The following PIK3C3 variants were observed in gnomAD, a reference collection of about 807,000 sequenced individuals.
PIK3C3 encodes phosphatidylinositol 3-kinase catalytic subunit type 3, also known as PI3-kinase type 3.
PIK3C3 carries 95 observed loss-of-function variants against 126.1 expected under a neutral mutation model. The observed-to-expected ratio is 0.75, with a 90% confidence interval of 0.64 to 0.89. The LOEUF is 0.89. Ranked by LOEUF, PIK3C3 falls within the 40% of genes least tolerant of loss-of-function variation. The pLI is 0.00. For synonymous variants in PIK3C3, 374 were observed against 360.0 expected, an observed-to-expected ratio of 1.04 and a Z score of -0.44; for missense variants, 829 against 1,063.2, an observed-to-expected ratio of 0.78 and a Z score of 3.06.
chr18:42,044,438 A>G (rs976069895), intron 20 of PIK3C3, among the ~76,000 whole-genome samples: 1 of 150,098 alleles, frequency 6.7e-6, no homozygotes, highest in Admixed American at 6.7e-5. Context: ...AGACAGGATC[A>G]CACTCTGTCA....
chr18:42,054,940 T>A (rs978620513), intron 21 of PIK3C3, among the ~76,000 whole-genome samples: 14 of 152,028 alleles, frequency 9.2e-5, no homozygotes, highest in Non-Finnish European at 1.3e-4. Context: ...TTTTTTTTTT[T>A]AAACTTATGT....
At chr18:41,988,664 A>G (rs1294857684) in intron 5 of PIK3C3, among the ~76,000 whole-genome samples, 2 of 152,178 alleles carry the variant, frequency 1.3e-5, no homozygotes, top group Non-Finnish European at 2.9e-5. Context: ...TTTTAATTTT[A>G]CAGTGAACTA....
Position 42,013,437 on chromosome 18 carries a change from TCCAGG to T in PIK3C3, c.1171-4_1171del. ...AATATTACTTTACTTTTTTTTGTTT[TCCAGG>T]ATTTGTTGATGTACCTATTACAATT... On this transcript the variant is annotated splice_acceptor_variant and splice_polypyrimidine_tract_variant and coding_sequence_variant and intron_variant, in exon 11 of 25. Coordinates refer to ENST00000262039, the MANE Select transcript of PIK3C3 (RefSeq NM_002647.4). LOFTEE classifies it high-confidence loss of function. 6.7e-7 allele frequency: 1 copy of T among 1,481,584 alleles called. No individual in the cohort carries two copies. The highest frequency in any genetic ancestry group is 2.7e-5 in the Admixed American group (1 of 37,126). The allele number at this position is 1,481,584 out of a possible 1,614,324, so 91.8% of individuals were successfully genotyped here. A position where few individuals can be genotyped will look rare whatever the true frequency, so the allele number is the denominator to read the frequency against.
chr18:42,063,297 T>C lies in PIK3C3; in HGVS notation c.2433-1443T>C, dbSNP rs72893466. On this transcript the variant is annotated intron_variant, in intron 22 of 24. Coordinates refer to ENST00000262039, the MANE Select transcript of PIK3C3 (RefSeq NM_002647.4). The stretch of plus-strand genomic sequence containing the variant: ...GTAAACTTCATGAATGTGGGGACCC[T>C]GTTTGTTCAGTTCACCACTGTCTGT... Among the ~76,000 whole-genome samples the C allele has an allele frequency of 2.3e-3, 353 of 152,314 alleles. 3 individuals are homozygous for C. Among genetic ancestry groups the C allele is most frequent in the Non-Finnish European group, 3.7e-3 (253 of 68,020 alleles).
At chr18:42,065,385 C>CTA (rs1288417822) in intron 23 of PIK3C3, among the ~76,000 whole-genome samples, 1 of 151,876 alleles carries the variant, frequency 6.6e-6, no homozygotes, top group Non-Finnish European at 1.5e-5. Flanking sequence ...ACAGATAGGA[C>CTA]TATCAATAGA....
At chr18:41,962,894 T>C (rs2144295916) in intron 3 of PIK3C3, among the ~76,000 whole-genome samples, 1 of 152,334 alleles carries the variant, frequency 6.6e-6, no homozygotes, top group South Asian at 2.1e-4. Context: ...CATTGGGAAA[T>C]AGAACCTTGC....
chr18:42,026,314 TCA>T (rs1437665501), intron 13 of PIK3C3: 1 of 152,164 alleles, frequency 6.6e-6, no homozygotes, highest in Non-Finnish European at 1.5e-5. Context: ...ATTTAAAGTT[TCA>T]CAGTCTAGCA....
intron 16 of PIK3C3, among the ~76,000 whole-genome samples, chr18:42,034,596 C>T (rs763105862): frequency 3.9e-5 from 6 of 152,066 alleles, no homozygotes; most frequent in Non-Finnish European, 7.4e-5. Flanking sequence ...AGTAGCATAC[C>T]AGGCTTGGTG....
chr18:42,033,656 GGGATTATTTATAA>G (rs1403759679), intron 15 of PIK3C3, among the ~76,000 whole-genome samples, 157 bp from the exon 16 acceptor site: 4 of 152,146 alleles, frequency 2.6e-5, no homozygotes, highest in African/African-American at 9.7e-5. Context: ...GCTGTTGTTA[GGGATTATTTATAA>G]GTGCTTGTCT....
chr18:42,022,460 T>C (rs1983371565), intron 13 of PIK3C3, among the ~76,000 whole-genome samples: 1 of 152,162 alleles, frequency 6.6e-6, no homozygotes, highest in African/African-American at 2.4e-5. Flanking sequence ...ACAAAGGACA[T>C]GAACTCATCC....
intron 3 of PIK3C3, 35 bp from the exon 4 acceptor site, chr18:41,970,292 T>A (rs1389912969): frequency 3.1e-6 from 5 of 1,597,598 alleles, no homozygotes; most frequent in Non-Finnish European, 4.3e-6. Flanking sequence ...ACTGTATTAA[T>A]TTACTTCTAC....
intron 21 of PIK3C3, among the ~76,000 whole-genome samples, chr18:42,055,429 C>T (rs1470688306): frequency 6.6e-6 from 1 of 151,954 alleles, no homozygotes; most frequent in African/African-American, 2.4e-5. Flanking sequence ...TGTAGGGAGC[C>T]TTTTTAATTC....
At chr18:42,029,261 T>C (rs1983710214) in intron 14 of PIK3C3, 64 bp from the exon 15 acceptor site, 3 of 912,036 alleles carry the variant, frequency 3.3e-6, no homozygotes, top group Non-Finnish European at 5.5e-6. Flanking sequence ...TTATCCATGC[T>C]GTTAAAGAAA....
intron 6 of PIK3C3, among the ~76,000 whole-genome samples, chr18:41,992,049 A>T (rs942929268): frequency 6.6e-6 from 1 of 152,234 alleles, no homozygotes; most frequent in African/African-American, 2.4e-5. Flanking sequence ...TTTGAAAGAC[A>T]GCTTGATAGC....
chr18:42,010,627 A>G (rs1430245477), intron 10 of PIK3C3, among the ~76,000 whole-genome samples: 1 of 152,136 alleles, frequency 6.6e-6, no homozygotes, highest in African/African-American at 2.4e-5. Flanking sequence ...CGGCCTCCCA[A>G]AGTGCTGGGA....
intron 5 of PIK3C3, among the ~76,000 whole-genome samples, chr18:41,989,944 C>A (rs1166030570): frequency 2.0e-5 from 3 of 152,006 alleles, no homozygotes; most frequent in African/African-American, 7.2e-5. Flanking sequence ...CATTTTAAGA[C>A]CATTTATAAA....
At chr18:42,059,380 A>T (rs1394851763) in intron 22 of PIK3C3, among the ~76,000 whole-genome samples, 4 of 152,190 alleles carry the variant, frequency 2.6e-5, no homozygotes, top group Non-Finnish European at 5.9e-5. Context: ...TTTCAGAGAG[A>T]TGAGAGTGCC....
At chr18:42,003,648 C>T (rs1054322159) in intron 9 of PIK3C3, among the ~76,000 whole-genome samples, 2 of 152,158 alleles carry the variant, frequency 1.3e-5, no homozygotes, top group Non-Finnish European at 2.9e-5. Context: ...AGACAATTTG[C>T]TTAACTGACA....
chr18:41,959,116 A>T (rs2144287667), intron 2 of PIK3C3, among the ~76,000 whole-genome samples: 1 of 152,288 alleles, frequency 6.6e-6, no homozygotes, highest in South Asian at 2.1e-4. Context: ...TCAGGGACAG[A>T]GCTCAAAGCT....
Sources: gnomAD v4.1 joint callset for allele counts (sites outside exome capture counted in the v4.1 genomes callset) on GRCh38, gnomAD v4.1.1 for gene constraint, MANE v1.5 for transcripts, NCBI Gene and HGNC (gene_info 2026-07-23, HGNC 2026-07-21) for gene names.